Variants in CNOT4 observed in about 807,000 individuals in gnomAD.
CNOT4 encodes CCR4-associated factor 4.
A neutral mutation model predicts 73.8 loss-of-function variants in CNOT4; 8 were observed. That is an observed-to-expected ratio of 0.11 (90% confidence interval 0.06 to 0.20). The LOEUF (loss-of-function observed/expected upper bound fraction) is 0.20, where lower values mean the gene tolerates loss of function less well. CNOT4 is among the 10% of genes least tolerant of loss of function. The pLI is 1.00. For synonymous variants in CNOT4, 293 were observed against 321.1 expected, an observed-to-expected ratio of 0.91 and a Z score of 0.94; for missense variants, 564 against 883.4, an observed-to-expected ratio of 0.64 and a Z score of 4.58.
intron 1 of CNOT4, among the ~76,000 whole-genome samples, chr7:135,454,536 C>T (rs763828566): frequency 6.6e-6 from 1 of 151,238 alleles, no homozygotes; most frequent in African/African-American, 2.4e-5. Flanking sequence ...TAGCCAGGTG[C>T]GGTGGTACGC....
chr7:135,363,201 G>C lies in CNOT4; in HGVS notation c.1841-15C>G. 1 of 1,608,520 alleles carries C rather than the reference G, an allele frequency of 6.2e-7. No homozygotes were observed. The highest frequency in any genetic ancestry group is 8.5e-7 in the Non-Finnish European group (1 of 1,177,870). Reference sequence around the variant, plus strand: ...CGCTGGAATACCTAAGGAGAGAAAAGAAAAAAGAGGGAAAATGGTGAGTTT... The same window carrying C: ...CGCTGGAATACCTAAGGAGAGAAAACAAAAAAGAGGGAAAATGGTGAGTTT... On this transcript the variant is annotated splice_polypyrimidine_tract_variant and intron_variant, in intron 11 of 11. Transcript: ENST00000541284. This position sits in a 1 kb window ranked among gnomAD's most constrained non-coding sequence, Gnocchi z 4.3.
intron 1 of CNOT4, among the ~76,000 whole-genome samples, chr7:135,479,285 T>G (rs1252769498): frequency 3.0e-5 from 4 of 134,432 alleles, no homozygotes. Flanking sequence ...CTCGGCTCAC[T>G]GCAACCTCCA....
rs1015853642 is a variant in CNOT4, at chr7:135,454,094, T to C, written c.-92-15671A>G. On this transcript the variant is annotated intron_variant, in intron 1 of 11. Transcript: ENST00000541284. The stretch of plus-strand genomic sequence containing the variant: ...TTAAGGGGTCTAAAATACAGAAATA[T>C]AGCTATTAATTCTTCTTTAAAAGGA... 2.6e-5 allele frequency among the ~76,000 whole-genome samples: 4 copies of C among 151,152 alleles called. No individual in the cohort carries two copies. In the East Asian group the frequency reaches 5.8e-4, roughly 22 times the overall value.
At chr7:135,432,289 A>G (rs1403893302) in intron 2 of CNOT4, among the ~76,000 whole-genome samples, 1 of 152,214 alleles carries the variant, frequency 6.6e-6, no homozygotes, top group Non-Finnish European at 1.5e-5. Flanking sequence ...CAAGAATATC[A>G]GCATAGGAAA....
At chr7:135,448,638 T>A (rs1029882593) in intron 1 of CNOT4, among the ~76,000 whole-genome samples, 5 of 152,020 alleles carry the variant, frequency 3.3e-5, no homozygotes, top group African/African-American at 1.2e-4. Flanking sequence ...AGCAACCAGA[T>A]GATGGATTTA....
chr7:135,508,353 C>T (rs929978075), intron 1 of CNOT4, among the ~76,000 whole-genome samples: 8 of 152,196 alleles, frequency 5.3e-5, no homozygotes, highest in African/African-American at 1.7e-4. Context: ...TCATAAGCCA[C>T]CTCTTGCTTC....
At chr7:135,452,486 C>CATGA (rs1800234222) in intron 1 of CNOT4, among the ~76,000 whole-genome samples, 1 of 152,138 alleles carries the variant, frequency 6.6e-6, no homozygotes, top group Non-Finnish European at 1.5e-5. Flanking sequence ...AGGAGAACCA[C>CATGA]ATGAACCTGG....
chr7:135,450,639 C>T (rs1284539524), intron 1 of CNOT4, among the ~76,000 whole-genome samples: 1 of 152,176 alleles, frequency 6.6e-6, no homozygotes, highest in Non-Finnish European at 1.5e-5. Flanking sequence ...CAGGCGTGAG[C>T]CGCTGTGCCC....
At chr7:135,473,036 G>T (rs1161006027) in intron 1 of CNOT4, among the ~76,000 whole-genome samples, 1 of 149,746 alleles carries the variant, frequency 6.7e-6, no homozygotes, top group Non-Finnish European at 1.5e-5. Flanking sequence ...GCAAGACTCT[G>T]TCTCAAAAAA....
intron 9 of CNOT4, among the ~76,000 whole-genome samples, chr7:135,395,112 G>A (rs530149742): frequency 6.6e-6 from 1 of 152,126 alleles, no homozygotes; most frequent in Admixed American, 6.5e-5. Context: ...TCCTTGCCAG[G>A]TGCAGTGCTT....
In CNOT4 at chr7:135,509,922, C is replaced by T. The variant is rs554380234; in HGVS notation, c.-126G>A. The T allele has an allele frequency of 2.3e-4, 90 of 398,282 alleles. No homozygotes were observed. Among genetic ancestry groups the T allele is most frequent in the African/African-American group, 1.5e-3 (75 of 48,740 alleles). The allele number at this position is 398,282 out of a possible 1,614,324, so 24.7% of individuals were successfully genotyped here. ...CTTGCCTCGCTTTTCCCTCAGCCGACTCCACGGGCTGCCGCGTCCTCACAA... is the reference window on the plus strand; with the variant it reads ...CTTGCCTCGCTTTTCCCTCAGCCGATTCCACGGGCTGCCGCGTCCTCACAA... On this transcript the variant is annotated 5_prime_UTR_variant, in exon 1 of 12. Transcript: ENST00000541284.
intron 10 of CNOT4, among the ~76,000 whole-genome samples, chr7:135,376,938 T>G (rs752380231): frequency 2.0e-5 from 3 of 152,158 alleles, no homozygotes; most frequent in Admixed American, 6.5e-5. Context: ...AGAAGAAAAA[T>G]TATTTCAGAA....
chr7:135,470,371 A>G (rs998183867), intron 1 of CNOT4, among the ~76,000 whole-genome samples: 1 of 149,794 alleles, frequency 6.7e-6, no homozygotes, highest in African/African-American at 2.5e-5. Flanking sequence ...GGCCCAAGCT[A>G]TGCTCCTCCT....
chr7:135,476,665 G>T (rs1802015450), intron 1 of CNOT4, among the ~76,000 whole-genome samples: 1 of 152,140 alleles, frequency 6.6e-6, no homozygotes, highest in South Asian at 2.1e-4. Context: ...AACAGAGCAA[G>T]ATTCTGTCTC....
intron 2 of CNOT4, among the ~76,000 whole-genome samples, chr7:135,425,385 CAAGT>C (rs1401790938): frequency 1.3e-5 from 2 of 152,056 alleles, no homozygotes; most frequent in Admixed American, 6.5e-5. Flanking sequence ...GGGAGAGTGA[CAAGT>C]AAGAAAAATC....
At chr7:135,453,823 ATTT>A (rs1196562317) in intron 1 of CNOT4, among the ~76,000 whole-genome samples, 2 of 73,764 alleles carry the variant, frequency 2.7e-5, no homozygotes, top group East Asian at 5.7e-4. Context: ...AAATATATAT[ATTT>A]TATATATATA....
intron 10 of CNOT4, among the ~76,000 whole-genome samples, chr7:135,392,763 C>T (rs1012626910): frequency 6.6e-6 from 1 of 152,138 alleles, no homozygotes; most frequent in African/African-American, 2.4e-5. Context: ...TCAACAGCCA[C>T]AAACTATATT....
intron 10 of CNOT4, among the ~76,000 whole-genome samples, chr7:135,383,807 A>T (rs1795968537): frequency 6.6e-6 from 1 of 151,890 alleles, no homozygotes; most frequent in African/African-American, 2.4e-5. Context: ...AAATCATTCA[A>T]CTCCCTTCCA....
rs1798893763 is a variant in CNOT4 at position 135,432,217 on chromosome 7, A to T, written c.174+5941T>A. On this transcript the variant is annotated intron_variant, in intron 2 of 11. Coordinates refer to ENST00000541284, the MANE Select transcript of CNOT4 (RefSeq NM_001190850.2). ...ATACATTTATGGGCAATTGACTTTC[A>T]GGAAAGATTTCAAAACCAATCAAGA... Among the ~76,000 whole-genome samples, 3 of 152,212 alleles carry T rather than the reference A, an allele frequency of 2.0e-5. No individual in the cohort carries two copies. The South Asian group carries it at 6.2e-4, about 32-fold the overall frequency.
Sources: gnomAD v4.1 joint callset for allele counts (sites outside exome capture counted in the v4.1 genomes callset) on GRCh38, gnomAD v4.1.1 for gene constraint, Gnocchi (gnomAD v3.1) non-coding constraint, MANE v1.5 for transcripts, NCBI Gene and HGNC (gene_info 2026-07-23, HGNC 2026-07-21) for gene names.